The following GPC6 variants were observed in gnomAD, a reference collection of about 807,000 sequenced individuals.
The protein encoded by GPC6 is glypican 6.
GPC6 carries 14 observed loss-of-function variants against 55.2 expected under a neutral mutation model. The ratio of observed to expected loss-of-function variants is 0.25; its 90% confidence interval spans 0.17 to 0.40. The LOEUF is 0.40. GPC6 is among the 10% of genes least tolerant of loss of function. GPC6 has a pLI of 1.00. For missense variants in GPC6, 641 were observed against 708.5 expected (o/e 0.90, Z 1.08); for synonymous variants, 278 against 259.6 (o/e 1.07, Z -0.68).
rs574432852 is a variant in GPC6, at chr13:93,715,248, G to A, written c.320-114906G>A. Among the ~76,000 whole-genome samples, 314 of 151,722 alleles carry A rather than the reference G, an allele frequency of 2.1e-3. 1 individual carries two copies. Among genetic ancestry groups the A allele is most frequent in the African/African-American group, 6.7e-3 (279 of 41,460 alleles). On this transcript the variant is annotated intron_variant, in intron 2 of 8. Transcript: ENST00000377047. ...ACGGTAGACTGGATAAAGGAAATAT[G>A]GTACATATTCACCGTGGAATACTAC...
intron 2 of GPC6, among the ~76,000 whole-genome samples, chr13:93,571,039 A>G (rs1046379604): frequency 6.6e-6 from 1 of 152,014 alleles, no homozygotes; most frequent in East Asian, 1.9e-4. Flanking sequence ...TTACATATAT[A>G]TATATTTTTT....
At chr13:94,089,921 A>G (rs1289889219) in intron 4 of GPC6, among the ~76,000 whole-genome samples, 2 of 152,172 alleles carry the variant, frequency 1.3e-5, no homozygotes, top group Admixed American at 1.3e-4. Flanking sequence ...CACGTTAGGT[A>G]TACCTCAAGA....
chr13:94,058,768 C>A (rs773886960), intron 4 of GPC6, among the ~76,000 whole-genome samples: 1 of 151,820 alleles, frequency 6.6e-6, no homozygotes, highest in African/African-American at 2.4e-5. Flanking sequence ...TCCCATGCAT[C>A]GCCTTTTATT....
intron 2 of GPC6, among the ~76,000 whole-genome samples, chr13:93,706,224 T>A (rs891177088): frequency 2.0e-5 from 3 of 151,866 alleles, no homozygotes; most frequent in Non-Finnish European, 4.4e-5. Context: ...AAAAATGCAA[T>A]TATTAGACAA....
intron 3 of GPC6, among the ~76,000 whole-genome samples, chr13:93,895,222 A>ATGTGTGTGTGTATGTATG (rs1875926104): frequency 1.9e-5 from 1 of 53,598 alleles, no homozygotes; most frequent in Non-Finnish European, 3.6e-5. Flanking sequence ...GTGTGTATGT[A>ATGTGTGTGTGTATGTATG]TGTGTGTGTG....
intron 4 of GPC6, among the ~76,000 whole-genome samples, chr13:94,269,654 C>T (rs1891930673): frequency 6.6e-6 from 1 of 152,148 alleles, no homozygotes; most frequent in South Asian, 2.1e-4. Context: ...GTCTTTCACT[C>T]TGACACTGAA....
intron 1 of GPC6, among the ~76,000 whole-genome samples, chr13:93,438,446 T>C (rs1486280012): frequency 2.0e-5 from 3 of 152,140 alleles, no homozygotes; most frequent in African/African-American, 7.2e-5. Context: ...AAATGATCAA[T>C]ATTAACAGGA....
chr13:93,933,813 A>T (rs1209084967), intron 3 of GPC6, among the ~76,000 whole-genome samples: 2 of 152,200 alleles, frequency 1.3e-5, no homozygotes, highest in Non-Finnish European at 2.9e-5. Flanking sequence ...AAATTATTTT[A>T]CCAACTATTG....
At chr13:93,333,907 T>A (rs1879949802) in intron 1 of GPC6, among the ~76,000 whole-genome samples, 1 of 152,216 alleles carries the variant, frequency 6.6e-6, no homozygotes, top group Non-Finnish European at 1.5e-5. Context: ...CAGTTCTATC[T>A]GTTTTTTGGT....
rs1881427513 is a variant in GPC6, at chr13:94,407,897, C to T, written c.*4680C>T. The stretch of plus-strand genomic sequence containing the variant: ...ATAAACCCTGCTCTAGGGGATTTAT[C>T]ACTGGCTGTGAAAAACCACCAGTTG... On this transcript the variant is annotated 3_prime_UTR_variant, in exon 9 of 9. Transcript: ENST00000377047. 6.6e-6 allele frequency among the ~76,000 whole-genome samples: 1 copy of T among 152,164 alleles called. No individual in the cohort carries two copies. Among genetic ancestry groups the T allele is most frequent in the South Asian group, 2.1e-4 (1 of 4,830 alleles).
chr13:94,228,627 C>G (rs1030034832), intron 4 of GPC6, among the ~76,000 whole-genome samples: 2 of 151,738 alleles, frequency 1.3e-5, no homozygotes, highest in African/African-American at 4.8e-5. Flanking sequence ...TGAAGTTATC[C>G]CAGAGTAAAA....
At chr13:93,848,450 G>T (rs533931742) in intron 3 of GPC6, among the ~76,000 whole-genome samples, 5 of 152,042 alleles carry the variant, frequency 3.3e-5, no homozygotes, top group African/African-American at 9.6e-5. Context: ...ATAGGCTGTT[G>T]CCACCTTAAG....
At chr13:93,960,372 G>A (rs978302477) in intron 3 of GPC6, among the ~76,000 whole-genome samples, 12 of 152,288 alleles carry the variant, frequency 7.9e-5, no homozygotes, top group South Asian at 2.1e-4. Flanking sequence ...ACGGATCTCC[G>A]TAGGCGGTAG....
At chr13:93,243,086 G>A (rs1311352805) in intron 1 of GPC6, among the ~76,000 whole-genome samples, 1 of 152,166 alleles carries the variant, frequency 6.6e-6, no homozygotes, top group Non-Finnish European at 1.5e-5. Context: ...CCAGATCGCA[G>A]CCCGCTCCAG....
At chr13:93,379,281 A>G (rs1381790904) in intron 1 of GPC6, among the ~76,000 whole-genome samples, 1 of 151,706 alleles carries the variant, frequency 6.6e-6, no homozygotes, top group Non-Finnish European at 1.5e-5. Context: ...CAGACTGAGA[A>G]TTATCTGAAA....
chr13:93,514,029 A>G (rs1318961427), intron 1 of GPC6, among the ~76,000 whole-genome samples: 2 of 151,914 alleles, frequency 1.3e-5, no homozygotes, highest in Admixed American at 1.3e-4. Context: ...ACCCACCACC[A>G]CGCCCAGCTA....
At chr13:94,261,409 T>C (rs574493995) in intron 4 of GPC6, among the ~76,000 whole-genome samples, 1 of 152,328 alleles carries the variant, frequency 6.6e-6, no homozygotes, top group East Asian at 1.9e-4. Flanking sequence ...CTATGTTCTC[T>C]TTTGCACAGG....
At chr13:94,077,796 A>C (rs887301522) in intron 4 of GPC6, among the ~76,000 whole-genome samples, 6 of 151,902 alleles carry the variant, frequency 3.9e-5, no homozygotes, top group Non-Finnish European at 7.4e-5. Flanking sequence ...ATATTGGACC[A>C]TCCTTGCATC....
At chr13:93,813,613 T>C (rs568763815) in intron 2 of GPC6, among the ~76,000 whole-genome samples, 2 of 152,218 alleles carry the variant, frequency 1.3e-5, no homozygotes, top group South Asian at 4.2e-4. Context: ...TTGTTATTGA[T>C]TTAAGAATAT....
Sources: gnomAD v4.1 joint callset for allele counts (sites outside exome capture counted in the v4.1 genomes callset) on GRCh38, gnomAD v4.1.1 for gene constraint, MANE v1.5 for transcripts, NCBI Gene and HGNC (gene_info 2026-07-23, HGNC 2026-07-21) for gene names.